Variants in USP32 observed in about 807,000 individuals in gnomAD.
USP32 encodes ubiquitin carboxyl-terminal hydrolase 32.
USP32 carries 59 observed loss-of-function variants against 204.8 expected under a neutral mutation model. That is an observed-to-expected ratio of 0.29 (90% CI 0.23 to 0.36). The LOEUF (loss-of-function observed/expected upper bound fraction) is 0.36. Ranked by LOEUF, USP32 falls within the 10% of genes least tolerant of loss-of-function variation. The pLI is 1.00. For synonymous variants in USP32, 517 were observed against 678.4 expected (o/e 0.76, Z 3.70); for missense variants, 1,160 against 1,946.4 (o/e 0.60, Z 7.60).
chr17:60,399,515 T>A (rs1369687598), intron 1 of USP32, among the ~76,000 whole-genome samples: 1 of 151,642 alleles, frequency 6.6e-6, no homozygotes, highest in African/African-American at 2.4e-5. Context: ...AAAAAAAATT[T>A]AGCTGGGTGT....
At chr17:60,420,974 T>C (rs2090107032) in intron 1 of USP32, among the ~76,000 whole-genome samples, 1 of 152,188 alleles carries the variant, frequency 6.6e-6, no homozygotes, top group African/African-American at 2.4e-5. Flanking sequence ...AAATTGTCAC[T>C]ATTGTAACAG....
intron 1 of USP32, among the ~76,000 whole-genome samples, chr17:60,385,478 G>A (rs1289606407): frequency 6.6e-6 from 1 of 152,174 alleles, no homozygotes; most frequent in Non-Finnish European, 1.5e-5. Flanking sequence ...CCAGGAGACA[G>A]AGGTTGCAGT....
intron 11 of USP32, among the ~76,000 whole-genome samples, chr17:60,239,528 G>A (rs1228995052): frequency 6.6e-6 from 1 of 151,896 alleles, no homozygotes; most frequent in Non-Finnish European, 1.5e-5. Context: ...CTGCTCCTCA[G>A]TCAATAATTT....
intron 14 of USP32, 127 bp from the exon 15 acceptor site, chr17:60,222,676 A>ATT: frequency 1.3e-6 from 1 of 794,398 alleles, no homozygotes; most frequent in South Asian, 2.2e-5. Context: ...GGAAAAACTT[A>ATT]ATTTTTTTTT....
At chr17:60,323,639 AAAC>A (rs1243910134) in intron 2 of USP32, among the ~76,000 whole-genome samples, 2 of 152,240 alleles carry the variant, frequency 1.3e-5, no homozygotes, top group African/African-American at 4.8e-5. Flanking sequence ...CTTTTAAGAA[AAAC>A]AAAACACTAT....
chr17:60,408,888 C>T (rs966542550), intron 1 of USP32, among the ~76,000 whole-genome samples: 2 of 152,200 alleles, frequency 1.3e-5, no homozygotes, highest in Non-Finnish European at 2.9e-5. Context: ...TCTGACATCA[C>T]CCCATGCCAG....
At chr17:60,300,137 T>C (rs1015693223) in intron 3 of USP32, among the ~76,000 whole-genome samples, 17 of 152,260 alleles carry the variant, frequency 1.1e-4, no homozygotes, top group African/African-American at 3.6e-4. Flanking sequence ...CAGCATATGG[T>C]GTTCAAGAAT....
intron 2 of USP32, among the ~76,000 whole-genome samples, chr17:60,313,742 G>C (rs1418592078): frequency 1.3e-5 from 2 of 151,930 alleles, no homozygotes; most frequent in Admixed American, 1.3e-4. Flanking sequence ...GTCTATTCAA[G>C]ACTCACCATT....
chr17:60,193,082 T>C (rs920515845), intron 27 of USP32, 152 bp from the exon 28 acceptor site: 2 of 766,212 alleles, frequency 2.6e-6, no homozygotes, highest in African/African-American at 3.5e-5. Flanking sequence ...CCTAATCCAT[T>C]AGCTGCAGCC....
intron 5 of USP32, among the ~76,000 whole-genome samples, chr17:60,281,823 T>C (rs2086974419): frequency 6.6e-6 from 1 of 152,170 alleles, no homozygotes; most frequent in Non-Finnish European, 1.5e-5. Context: ...AAAATCACCC[T>C]GGAGGTCTGT....
At chr17:60,364,846 AT>A (rs886334011) in intron 1 of USP32, among the ~76,000 whole-genome samples, 1 of 152,200 alleles carries the variant, frequency 6.6e-6, no homozygotes, top group Non-Finnish European at 1.5e-5. Flanking sequence ...CAAAAACCTA[AT>A]CCTCTAATGA....
chr17:60,394,279 AAGGGCCC>A (rs2089884307), upstream of USP32, among the ~76,000 whole-genome samples: 1 of 152,156 alleles, frequency 6.6e-6, no homozygotes, highest in South Asian at 2.1e-4. Flanking sequence ...AATTTTATGA[AAGGGCCC>A]AGCTGTGAGG....
intron 31 of USP32, 55 bp from the exon 32 acceptor site, chr17:60,181,803 A>G (rs1035777775): frequency 6.4e-7 from 1 of 1,566,564 alleles, no homozygotes. Flanking sequence ...AAAGTAAGCC[A>G]GCCCCAAATG....
In USP32 at chr17:60,181,628, C is replaced by T. The variant is rs1407936749; in HGVS notation, c.4244G>A (p.Gly1415Asp). The stretch of plus-strand genomic sequence containing the variant: ...ACTACTTGACAGTTTATTTTTGCTG[C>T]CAATCTGGGGCAGCCGGAGCCTCCC... ...SKGRLRLPQI[G>D]SKNKLSSSKE... Residue 1415 changes from glycine (G) to aspartate (D), a missense_variant, in exon 32 of 34, where the codon GGC becomes GAC. Coordinates refer to ENST00000300896, the MANE Select transcript of USP32 (RefSeq NM_032582.4). 1.9e-6 allele frequency: 3 copies of T among 1,613,952 alleles called. No individual in the cohort carries two copies. Among genetic ancestry groups the T allele is most frequent in the Admixed American group, 3.3e-5 (2 of 60,020 alleles).
chr17:60,362,467 G>C (rs1170222174), intron 1 of USP32, among the ~76,000 whole-genome samples: 2 of 152,180 alleles, frequency 1.3e-5, no homozygotes, highest in African/African-American at 4.8e-5. Flanking sequence ...ATTAATTTCT[G>C]AGGAGGAATG....
At chr17:60,326,975 A>AG (rs1258117898) in intron 2 of USP32, among the ~76,000 whole-genome samples, 7 of 42,418 alleles carry the variant, frequency 1.7e-4, no homozygotes, top group Admixed American at 7.2e-4. Flanking sequence ...AGGCGAGGAA[A>AG]GGGAGGGGGA....
chr17:60,422,338 T>A (rs1474454753), exon 1 of USP32: 9 of 874,392 alleles, frequency 1.0e-5, no homozygotes, highest in Non-Finnish European at 1.5e-5. Context: ...AAGTCTTCGC[T>A]CGACCCCGCA....
chr17:60,226,463 C>A (rs1258936276), intron 12 of USP32, among the ~76,000 whole-genome samples: 1 of 152,136 alleles, frequency 6.6e-6, no homozygotes, highest in South Asian at 2.1e-4. Context: ...TTTTGTGCCA[C>A]ATAAAGTAAT....
rs189078840 is a variant in USP32 at position 60,183,758 on chromosome 17, T to C, written c.3835-305A>G. Among the ~76,000 whole-genome samples the C allele has an allele frequency of 2.2e-3, 331 of 152,318 alleles. 4 individuals are homozygous for C. Among genetic ancestry groups the C allele is most frequent in the African/African-American group, 7.5e-3 (312 of 41,574 alleles). ...AGTCCACAAAGGCTTAGCCTAAGCT[T>C]CCACCCTCCACAGAGCCAGAAGTTC... is the stretch of plus-strand genomic sequence containing the variant. On this transcript the variant is annotated intron_variant, in intron 30 of 33. Transcript: ENST00000300896.
Sources: allele counts gnomAD v4.1 joint callset (sites outside exome capture counted in the v4.1 genomes callset), GRCh38; gene constraint gnomAD v4.1.1; transcripts MANE v1.5; gene names NCBI Gene and HGNC (gene_info 2026-07-23, HGNC 2026-07-21).